Variants in FRY observed in about 807,000 individuals in gnomAD.
The protein encoded by FRY is FRY microtubule binding protein.
A neutral mutation model predicts 348.4 loss-of-function variants in FRY; 128 were observed. The observed-to-expected ratio is 0.37, with a 90% CI of 0.32 to 0.43. The LOEUF (loss-of-function observed/expected upper bound fraction) is 0.43. Among genes scored for constraint, FRY ranks in the 20% least tolerant of loss-of-function variants. The pLI, the probability that FRY is intolerant of heterozygous loss-of-function variation, is 1.00. For synonymous variants in FRY, 1,370 were observed against 1,374.7 expected (o/e 1.00, Z 0.08); for missense variants, 2,736 against 3,695.2 (o/e 0.74, Z 6.73).
At chr13:32,198,743 T>C (rs2138314248) in intron 29 of FRY, among the ~76,000 whole-genome samples, 2 of 152,314 alleles carry the variant, frequency 1.3e-5, no homozygotes, top group South Asian at 4.2e-4. Context: ...ATCACCACCA[T>C]CATCTGGCGG....
intron 55 of FRY, among the ~76,000 whole-genome samples, chr13:32,269,396 A>G (rs1888097682): frequency 6.6e-6 from 1 of 152,212 alleles, no homozygotes; most frequent in African/African-American, 2.4e-5. Context: ...AACCCTTAAG[A>G]ATCAGGCCAA....
chr13:32,287,274 T>C (rs948269810), intron 58 of FRY, among the ~76,000 whole-genome samples: 1 of 152,232 alleles, frequency 6.6e-6, no homozygotes, highest in Non-Finnish European at 1.5e-5. Context: ...GCATACAATG[T>C]TTAGTCCTTT....
intron 17 of FRY, among the ~76,000 whole-genome samples, chr13:32,161,983 T>C (rs1881467474): frequency 6.6e-6 from 1 of 152,172 alleles, no homozygotes; most frequent in African/African-American, 2.4e-5. Context: ...ATAACCTAAC[T>C]GCAATTTGGA....
At chr13:32,268,505 AATATATATATAT>A (rs869298149) in intron 55 of FRY, among the ~76,000 whole-genome samples, 37 of 28,298 alleles carry the variant, frequency 1.3e-3, no homozygotes, top group African/African-American at 2.8e-3. Flanking sequence ...AAAAAAAAAA[AATATATATATAT>A]ATATATATAT....
At chr13:32,257,848 A>C (rs1169592013) in intron 51 of FRY, 1 of 841,916 alleles carries the variant, frequency 1.2e-6, no homozygotes. Context: ...GTATATTGTT[A>C]GCACTGTTGG....
intron 2 of FRY, among the ~76,000 whole-genome samples, chr13:32,095,273 T>C (rs1316878197): frequency 6.6e-6 from 1 of 150,810 alleles, no homozygotes; most frequent in African/African-American, 2.4e-5. Flanking sequence ...AGTTTGCAAA[T>C]ATTTTCTCCT....
chr13:32,101,719 C>A (rs1260330394), intron 2 of FRY, among the ~76,000 whole-genome samples: 1 of 152,106 alleles, frequency 6.6e-6, no homozygotes, highest in Non-Finnish European at 1.5e-5. Flanking sequence ...GTATCAGATT[C>A]TTAATGTTTT....
chr13:32,067,420 T>G (rs906553895), intron 1 of FRY, among the ~76,000 whole-genome samples: 13 of 152,186 alleles, frequency 8.5e-5, no homozygotes, highest in Non-Finnish European at 1.6e-4. Flanking sequence ...TTCCCCACTG[T>G]CTGCCTGCAG....
intron 55 of FRY, among the ~76,000 whole-genome samples, chr13:32,273,031 C>T (rs1258203672): frequency 6.6e-6 from 1 of 151,566 alleles, no homozygotes; most frequent in Non-Finnish European, 1.5e-5. Context: ...TTGGCACTGA[C>T]GCAGGCACAG....
intron 1 of FRY, among the ~76,000 whole-genome samples, chr13:32,063,733 C>T (rs1326653969): frequency 6.6e-6 from 1 of 152,206 alleles, no homozygotes; most frequent in Non-Finnish European, 1.5e-5. Flanking sequence ...AACAGCTAGG[C>T]ATTCACAACA....
intron 35 of FRY, among the ~76,000 whole-genome samples, chr13:32,216,655 G>C (rs1885009917): frequency 6.6e-6 from 1 of 152,202 alleles, no homozygotes; most frequent in Non-Finnish European, 1.5e-5. Flanking sequence ...TCTGGGCCTA[G>C]CAGATGCTGT....
At chr13:32,207,076 A>G (rs1884394833) in intron 31 of FRY, among the ~76,000 whole-genome samples, 1 of 152,208 alleles carries the variant, frequency 6.6e-6, no homozygotes, top group South Asian at 2.1e-4. Context: ...CCTCAGGCAT[A>G]CATCCCTACC....
At chr13:32,209,795 AG>A (rs1884580685) in intron 33 of FRY, 64 bp downstream of exon 33, 1 of 1,486,904 alleles carries the variant, frequency 6.7e-7, no homozygotes, top group African/African-American at 1.4e-5. Flanking sequence ...GCAATTTGCA[AG>A]TCAGAATGTG....
In FRY at chr13:32,244,080, G is replaced by A. The variant is rs1886650683; in HGVS notation, c.6726G>A (p.Leu2242=). 1.2e-6 allele frequency: 2 copies of A among 1,613,930 alleles called. No individual in the cohort carries two copies. The highest frequency in any genetic ancestry group is 2.7e-5 in the African/African-American group (2 of 74,932). ...GCCTCCCTAGTGTGCAGCAGCCCCTGCTCCAGGTGATCTACAGTCTTCTCA... is the reference window on the plus strand; with the variant it reads ...GCCTCCCTAGTGTGCAGCAGCCCCTACTCCAGGTGATCTACAGTCTTCTCA... ...EKGLPSVQQP[L]LQVIYSLLSY... Residue 2242 remains leucine (L), a synonymous_variant, in exon 47 of 61, where the codon CTG becomes CTA. Transcript: ENST00000542859.
chr13:32,111,848 A>C (rs770284215), intron 3 of FRY, among the ~76,000 whole-genome samples: 2 of 152,224 alleles, frequency 1.3e-5, no homozygotes, highest in Non-Finnish European at 2.9e-5. Context: ...ATGAGTTACT[A>C]TCCTCAGTGT....
chr13:32,127,159 T>C (rs763104364), intron 7 of FRY, among the ~76,000 whole-genome samples: 5 of 152,202 alleles, frequency 3.3e-5, no homozygotes, highest in Non-Finnish European at 5.9e-5. Context: ...ATAGTAATAA[T>C]ACTTCATTTA....
chr13:32,212,296 C>A lies in FRY; in HGVS notation c.4596C>A (p.Thr1532=), dbSNP rs771176469. 53 of 1,597,986 alleles carry A rather than the reference C, an allele frequency of 3.3e-5. No homozygotes were observed. The Admixed American group carries it at 6.2e-4, about 19-fold the overall frequency. The change falls in exon 35 of 61, where the codon ACC becomes ACA. Residue 1532 remains threonine (T), a synonymous_variant. Transcript: ENST00000542859. ...SSKASAAASG[T]TSSSNTVVAG... is the part of the protein sequence containing the mutation. ...TTCTTCCATTCCCATCTACAGGAAC[C>A]ACCTCTAGCAGCAATACAGTGGTTG...
At chr13:32,276,996 C>CTTT (rs1888567743) in intron 57 of FRY, among the ~76,000 whole-genome samples, 1 of 152,184 alleles carries the variant, frequency 6.6e-6, no homozygotes, top group Non-Finnish European at 1.5e-5. Flanking sequence ...GGCCTCAGCT[C>CTTT]TTGCTCTTTA....
intron 49 of FRY, among the ~76,000 whole-genome samples, chr13:32,249,994 C>T (rs1463054323): frequency 2.0e-5 from 3 of 152,222 alleles, no homozygotes; most frequent in Non-Finnish European, 4.4e-5. Context: ...CTCTGCCACT[C>T]TCCTAATGAG....
Sources: allele counts gnomAD v4.1 joint callset (sites outside exome capture counted in the v4.1 genomes callset), GRCh38; gene constraint gnomAD v4.1.1; transcripts MANE v1.5; gene names NCBI Gene and HGNC (gene_info 2026-07-23, HGNC 2026-07-21).